The following NUP35 variants were observed in gnomAD, a reference collection of about 807,000 sequenced individuals.
NUP35 encodes the protein nucleoporin NUP35.
NUP35 carries 25 observed loss-of-function variants against 41.5 expected under a neutral mutation model. The ratio of observed to expected loss-of-function variants is 0.60; its 90% CI spans 0.44 to 0.84. NUP35 has a LOEUF of 0.84. Ranked by LOEUF, NUP35 falls within the 40% of genes least tolerant of loss-of-function variation. The pLI, the probability that NUP35 is intolerant of heterozygous loss-of-function variation, is 0.00. For missense variants in NUP35, 396 were observed against 396.6 expected, an observed-to-expected ratio of 1.00 and a Z score of 0.01; for synonymous variants, 149 against 130.7, an observed-to-expected ratio of 1.14 and a Z score of -0.96.
intron 4 of NUP35, among the ~76,000 whole-genome samples, chr2:183,138,744 T>C (rs778934827): frequency 6.6e-6 from 1 of 151,978 alleles, no homozygotes; most frequent in African/African-American, 2.4e-5. Context: ...CACTTATATA[T>C]TAGCTCTCTT....
intron 8 of NUP35, 141 bp downstream of exon 8, chr2:183,159,793 A>C: frequency 1.7e-6 from 1 of 584,876 alleles, no homozygotes; most frequent in Non-Finnish European, 2.8e-6. Flanking sequence ...TACGCTTTAA[A>C]AGTTTTCTGC....
chr2:183,159,326 A>T (rs1685783866), intron 7 of NUP35, among the ~76,000 whole-genome samples, 162 bp from the exon 8 acceptor site: 1 of 152,220 alleles, frequency 6.6e-6, no homozygotes. Context: ...AATGCTACCT[A>T]AGAAGCAAAT....
intron 3 of NUP35, chr2:183,131,156 G>A (rs1469407135): frequency 4.6e-6 from 1 of 216,366 alleles, no homozygotes; most frequent in South Asian, 5.9e-5. Flanking sequence ...ATTTTTTTTT[G>A]TAGAGATGAG....
intron 1 of NUP35, among the ~76,000 whole-genome samples, chr2:183,127,956 C>G (rs534706610): frequency 6.6e-6 from 1 of 151,924 alleles, no homozygotes; most frequent in African/African-American, 2.4e-5. Context: ...GGCCTGTAGA[C>G]TTAGCTACTG....
chr2:183,144,933 G>GTAAC (rs1685226055), intron 4 of NUP35, among the ~76,000 whole-genome samples: 2 of 152,132 alleles, frequency 1.3e-5, no homozygotes, highest in African/African-American at 2.4e-5. Flanking sequence ...TTTAAAGGTT[G>GTAAC]TAACGGTTGT....
At chr2:183,149,024 T>C (rs1389405248) in intron 4 of NUP35, among the ~76,000 whole-genome samples, 2 of 152,186 alleles carry the variant, frequency 1.3e-5, no homozygotes. Context: ...GAGAAATCCA[T>C]GTGACTATAA....
At chr2:183,121,351 A>G (rs372084315), upstream of NUP35, among the ~76,000 whole-genome samples, 65 of 152,280 alleles carry the variant, frequency 4.3e-4, no homozygotes, top group East Asian at 4.0e-3. Flanking sequence ...TGAGATTTTG[A>G]AAAAATGAAA....
intron 4 of NUP35, among the ~76,000 whole-genome samples, chr2:183,137,790 A>G (rs918507256): frequency 3.2e-5 from 4 of 123,658 alleles, no homozygotes; most frequent in African/African-American, 6.8e-5. Context: ...GACCTCAAAG[A>G]AAAAAAAAAA....
chr2:183,142,996 A>G (rs1325507605), intron 4 of NUP35, among the ~76,000 whole-genome samples: 1 of 151,606 alleles, frequency 6.6e-6, no homozygotes, highest in East Asian at 2.0e-4. Context: ...CTCTACTAAA[A>G]ATACAAAAAA....
chr2:183,148,457 G>A (rs1273281686), intron 4 of NUP35, among the ~76,000 whole-genome samples: 3 of 151,944 alleles, frequency 2.0e-5, no homozygotes, highest in South Asian at 4.1e-4. Flanking sequence ...CTGCATCCTC[G>A]CCAGCATCTG....
At chr2:183,124,798 C>T (rs764097357) in intron 1 of NUP35, among the ~76,000 whole-genome samples, 51 of 152,316 alleles carry the variant, frequency 3.3e-4, no homozygotes, top group East Asian at 5.8e-4. Context: ...CATACCTTAA[C>T]CTCCTTCTGA....
At chr2:183,152,110 A>ACAC (rs1685486990) in intron 5 of NUP35, among the ~76,000 whole-genome samples, 3 of 113,394 alleles carry the variant, frequency 2.6e-5, no homozygotes, top group Non-Finnish European at 3.9e-5. Context: ...AACATTTACA[A>ACAC]ACACACACAC....
upstream of NUP35, chr2:183,123,913 G>A (rs1473615): frequency 0.95 from 600,428 of 630,294 alleles, 286,071 homozygotes; most frequent in East Asian, 1. Flanking sequence ...GCAACAAAAC[G>A]GCGTATGAGT....
upstream of NUP35, chr2:183,124,286 CAA>C (rs1229715979): frequency 3.5e-6 from 5 of 1,429,906 alleles, no homozygotes; most frequent in Non-Finnish European, 4.6e-6. Context: ...ATTCTCAGCG[CAA>C]AGACTTTGCC....
At chr2:183,137,951 T>C (rs1448776413) in intron 4 of NUP35, among the ~76,000 whole-genome samples, 2 of 152,074 alleles carry the variant, frequency 1.3e-5, no homozygotes, top group Non-Finnish European at 2.9e-5. Flanking sequence ...TATTTTTTTC[T>C]AATATAGTAA....
upstream of NUP35, among the ~76,000 whole-genome samples, chr2:183,121,348 T>A (rs1700064410): frequency 6.6e-6 from 1 of 152,076 alleles, no homozygotes; most frequent in Non-Finnish European, 1.5e-5. Flanking sequence ...TTTTGAGATT[T>A]TGAAAAAATG....
At chr2:183,140,834 A>T (rs1422850011) in intron 4 of NUP35, among the ~76,000 whole-genome samples, 1 of 151,864 alleles carries the variant, frequency 6.6e-6, no homozygotes, top group African/African-American at 2.4e-5. Context: ...AAAAAAAAAA[A>T]AAAAAGGAAA....
rs1361503902 is a variant in NUP35 at position 183,133,615 on chromosome 2, C to G, written c.389C>G (p.Pro130Arg). ...CCTCTTGTTGGAGTTACATCTACTC[C>G]TGGAACAGGTAAGTGATTCTTTCTT... ...QSPLVGVTST[P>R]GTGQSMFSPA... The change falls in exon 4 of 9, where the codon CCT becomes CGT. Residue 130 changes from proline to arginine, a missense_variant. By Grantham distance (103) the Pro-to-Arg change is moderately radical. Coordinates refer to ENST00000295119, the MANE Select transcript of NUP35 (RefSeq NM_138285.5). The G allele has an allele frequency of 2.5e-6, 4 of 1,586,766 alleles. No individual in the cohort carries two copies. The highest frequency in any genetic ancestry group is 2.8e-5 in the African/African-American group (2 of 72,646).
Position 183,159,495 on chromosome 2 carries a change from T to C in NUP35, c.746T>C (p.Met249Thr). Residue 249 changes from methionine to threonine, a missense_variant, in exon 8 of 9, where the codon ATG becomes ACG. By Grantham distance (81) the Met-to-Thr change is moderately conservative. Transcript: ENST00000295119. ...GVKPCIDKSV[M>T]ESSDRCALSS... is the part of the protein sequence containing the mutation. ...ATTTCTTTGTTTCTCCAGAGTGTTA[T>C]GGAAAGCAGTGACAGATGTGCTTTA... is the stretch of plus-strand genomic sequence containing the variant. 8 of 1,613,098 alleles carry C rather than the reference T, an allele frequency of 5.0e-6. No homozygotes were observed. The Middle Eastern group carries it at 5.0e-4, about 100-fold the overall frequency.
Sources: gnomAD v4.1 joint callset for allele counts (sites outside exome capture counted in the v4.1 genomes callset) on GRCh38, gnomAD v4.1.1 for gene constraint, MANE v1.5 for transcripts, NCBI Gene and HGNC (gene_info 2026-07-23, HGNC 2026-07-21) for gene names.